Variants in PRKG1 observed in about 807,000 individuals in gnomAD.
PRKG1 encodes the protein protein kinase cGMP-dependent 1.
PRKG1 carries 35 observed loss-of-function variants against 88.1 expected under a neutral mutation model. The observed-to-expected ratio is 0.40, with a 90% confidence interval of 0.30 to 0.53. The LOEUF (loss-of-function observed/expected upper bound fraction) is 0.53. PRKG1 is among the 20% of genes least tolerant of loss of function. The pLI is 0.59. For synonymous variants in PRKG1, 303 were observed against 292.5 expected (o/e 1.04, Z -0.37); for missense variants, 540 against 839.8 (o/e 0.64, Z 4.41).
chr10:51,592,111 C>A (rs1313303969), intron 3 of PRKG1, among the ~76,000 whole-genome samples: 1 of 152,156 alleles, frequency 6.6e-6, no homozygotes, highest in Non-Finnish European at 1.5e-5. Context: ...GGGGAAAGAA[C>A]TCAAACTGGG....
chr10:51,332,400 C>G (rs1313286065), intron 2 of PRKG1, among the ~76,000 whole-genome samples: 1 of 150,760 alleles, frequency 6.6e-6, no homozygotes, highest in African/African-American at 2.4e-5. Flanking sequence ...TTTTCTACTC[C>G]CCTCCACCTA....
chr10:52,274,194 G>T (rs991301822), intron 12 of PRKG1, among the ~76,000 whole-genome samples: 6 of 152,086 alleles, frequency 3.9e-5, no homozygotes, highest in Non-Finnish European at 7.4e-5. Context: ...TTCTTTAGTG[G>T]TGATTTGTGA....
In PRKG1 at chr10:50,991,460, G is replaced by C. The variant is rs1242528708; in HGVS notation, c.82G>C (p.Glu28Gln). 6.2e-7 allele frequency: 1 copy of C among 1,607,118 alleles called. No homozygotes were observed. The highest frequency in any genetic ancestry group is 1.3e-5 in the African/African-American group (1 of 74,812). Residue 28 changes from glutamate to glutamine, a missense_variant, in exon 1 of 18, where the codon GAG (glutamate) becomes CAG (glutamine). Glu to Gln is a conservative substitution (Grantham distance 29, BLOSUM62 2). Coordinates refer to the PRKG1 transcript ENST00000401604. This position sits in a 1 kb window ranked among gnomAD's most constrained non-coding sequence, Gnocchi z 4.5. ...CAAAGAGCTGGAGAAGCGGCTGTCAGAGAAGGAGGAAGAAATTCAGGAGCT... is the reference window on the plus strand; with the variant it reads ...CAAAGAGCTGGAGAAGCGGCTGTCACAGAAGGAGGAAGAAATTCAGGAGCT...
At chr10:52,022,694 T>A (rs1270997718) in intron 5 of PRKG1, among the ~76,000 whole-genome samples, 3 of 152,074 alleles carry the variant, frequency 2.0e-5, no homozygotes, top group Admixed American at 6.6e-5. Context: ...CCTACAAAAT[T>A]AGAAAAAGAA....
At chr10:51,652,816 C>T (rs187471536) in intron 3 of PRKG1, among the ~76,000 whole-genome samples, 1 of 152,146 alleles carries the variant, frequency 6.6e-6, no homozygotes, top group African/African-American at 2.4e-5. Context: ...CAACAGATCA[C>T]TACAACCTAT....
At chr10:51,331,486 C>T (rs1458374958) in intron 2 of PRKG1, among the ~76,000 whole-genome samples, 1 of 152,088 alleles carries the variant, frequency 6.6e-6, no homozygotes, top group East Asian at 1.9e-4. Context: ...GTGTTGGGGT[C>T]CAAGGCAAAG....
chr10:51,899,944 G>T (rs1841944638), intron 4 of PRKG1, among the ~76,000 whole-genome samples: 1 of 151,730 alleles, frequency 6.6e-6, no homozygotes, highest in African/African-American at 2.4e-5. Flanking sequence ...AAAGAGCCTG[G>T]CACCTCTCTT....
chr10:51,406,352 A>C (rs116517856), intron 2 of PRKG1, among the ~76,000 whole-genome samples: 2 of 152,096 alleles, frequency 1.3e-5, no homozygotes, highest in Non-Finnish European at 2.9e-5. Flanking sequence ...TTTTTTCTTC[A>C]TGGCATACCG....
intron 4 of PRKG1, among the ~76,000 whole-genome samples, chr10:51,830,227 GC>G (rs1839970111): frequency 6.6e-6 from 1 of 152,004 alleles, no homozygotes; most frequent in Non-Finnish European, 1.5e-5. Context: ...ACTTAAATCT[GC>G]CATTACCCTC....
At chr10:51,107,360 A>T (rs986073964) in intron 1 of PRKG1, among the ~76,000 whole-genome samples, 6 of 152,168 alleles carry the variant, frequency 3.9e-5, no homozygotes, top group African/African-American at 1.2e-4. Context: ...TATATGATTC[A>T]CAAGTTTAAA....
At chr10:51,510,042 A>G (rs925849594) in intron 3 of PRKG1, among the ~76,000 whole-genome samples, 1 of 152,190 alleles carries the variant, frequency 6.6e-6, no homozygotes, top group Non-Finnish European at 1.5e-5. Flanking sequence ...ATTGACAGCA[A>G]CAGCATAATA....
intron 3 of PRKG1, among the ~76,000 whole-genome samples, chr10:51,526,193 C>T (rs1023022697): frequency 1.3e-5 from 2 of 151,980 alleles, no homozygotes; most frequent in African/African-American, 2.4e-5. Flanking sequence ...CATACAAATC[C>T]AATTTTGAAG....
chr10:51,444,052 A>G (rs929338596), intron 2 of PRKG1, among the ~76,000 whole-genome samples: 1 of 151,752 alleles, frequency 6.6e-6, no homozygotes, highest in African/African-American at 2.4e-5. Context: ...GGGAAAAAAA[A>G]TGCTTTCTTA....
intron 3 of PRKG1, among the ~76,000 whole-genome samples, chr10:51,660,311 C>A (rs1840267435): frequency 6.6e-6 from 1 of 151,882 alleles, no homozygotes; most frequent in Non-Finnish European, 1.5e-5. Context: ...TCATCATCAT[C>A]ATCATCATCT....
chr10:51,493,507 A>G (rs1369769251), intron 3 of PRKG1, among the ~76,000 whole-genome samples: 1 of 152,098 alleles, frequency 6.6e-6, no homozygotes, highest in East Asian at 1.9e-4. Flanking sequence ...CTATTGACTG[A>G]TTTTTTTAGA....
intron 7 of PRKG1, among the ~76,000 whole-genome samples, chr10:52,118,169 C>T (rs772095001): frequency 4.6e-5 from 7 of 151,990 alleles, no homozygotes; most frequent in Non-Finnish European, 1.0e-4. Context: ...ATTATTTTCA[C>T]ATGCTTTTGC....
chr10:51,474,719 GA>G (rs1840144963), intron 3 of PRKG1, among the ~76,000 whole-genome samples: 1 of 152,008 alleles, frequency 6.6e-6, no homozygotes. Flanking sequence ...TGAAGACTGG[GA>G]AAAAATTATT....
chr10:51,972,597 A>T (rs1213381174), intron 5 of PRKG1, among the ~76,000 whole-genome samples: 1 of 152,172 alleles, frequency 6.6e-6, no homozygotes. Flanking sequence ...GTTTCTGTTT[A>T]TTATTAAACA....
At chr10:51,953,522 G>T (rs751375453) in intron 5 of PRKG1, among the ~76,000 whole-genome samples, 2 of 152,098 alleles carry the variant, frequency 1.3e-5, no homozygotes, top group African/African-American at 2.4e-5. Context: ...TAATTGAGTG[G>T]TGACTACTGA....
Sources: allele counts gnomAD v4.1 joint callset (sites outside exome capture counted in the v4.1 genomes callset), GRCh38; gene constraint gnomAD v4.1.1; non-coding constraint Gnocchi (gnomAD v3.1); transcripts MANE v1.5; gene names NCBI Gene and HGNC (gene_info 2026-07-23, HGNC 2026-07-21).